FAM20B: variants seen among roughly 807,000 people sequenced by gnomAD.
The protein encoded by FAM20B is FAM20B glycosaminoglycan xylosylkinase, also known as glycosaminoglycan xylosylkinase.
Under a neutral mutation model 43.8 loss-of-function variants are expected in FAM20B, and 23 were observed. That is an observed-to-expected ratio of 0.53 (90% confidence interval 0.38 to 0.74). FAM20B has a LOEUF of 0.74. FAM20B is among the 30% of genes least tolerant of loss of function. The pLI, the probability that FAM20B is intolerant of heterozygous loss-of-function variation, is 0.00. For missense variants in FAM20B, 440 were observed against 510.5 expected, an observed-to-expected ratio of 0.86 and a Z score of 1.33; for synonymous variants, 178 against 192.4, an observed-to-expected ratio of 0.93 and a Z score of 0.62.
chr1:179,065,172 A>G (rs1651638059), intron 6 of FAM20B, among the ~76,000 whole-genome samples: 1 of 148,662 alleles, frequency 6.7e-6, no homozygotes, highest in African/African-American at 2.5e-5. Context: ...TTTTTTTGAG[A>G]CGGAGTTTTG....
intron 1 of FAM20B, among the ~76,000 whole-genome samples, chr1:179,027,339 TATGCAGG>T (rs1388084098): frequency 3.9e-5 from 6 of 152,360 alleles, no homozygotes; most frequent in Admixed American, 6.5e-5. Context: ...TCCTTGAGTT[TATGCAGG>T]ATCTTTGAGC....
rs79610336 is a variant in FAM20B, at chr1:179,036,878, G to A, written c.-133-6837G>A. On this transcript the variant is annotated intron_variant, in intron 1 of 7. Coordinates refer to ENST00000263733, the MANE Select transcript of FAM20B (RefSeq NM_014864.4). ...GCCTTAGAGATGGCCTTGGAGATGA[G>A]CCTTGAAAGGAGGCTCAGACTTTAT... Among the ~76,000 whole-genome samples the A allele has an allele frequency of 4.1e-3, 620 of 152,324 alleles. 3 individuals carry two copies. Among genetic ancestry groups the A allele is most frequent in the African/African-American group, 0.014 (594 of 41,560 alleles).
chr1:179,064,157 CTG>C (rs968238168), intron 5 of FAM20B, 59 bp downstream of exon 5: 2 of 1,495,156 alleles, frequency 1.3e-6, no homozygotes, highest in Non-Finnish European at 1.8e-6. Context: ...GGTGCCAACT[CTG>C]TAAAGGAGCC....
chr1:179,058,698 T>C (rs1404833950), intron 4 of FAM20B, among the ~76,000 whole-genome samples: 1 of 152,142 alleles, frequency 6.6e-6, no homozygotes, highest in Non-Finnish European at 1.5e-5. Context: ...TGTGGCAGCA[T>C]TGTCAAGGGT....
In FAM20B at chr1:179,036,109, G is replaced by T. The variant is rs538535030; in HGVS notation, c.-133-7606G>T. 7.2e-5 allele frequency among the ~76,000 whole-genome samples: 11 copies of T among 152,258 alleles called. No individual in the cohort carries two copies. The South Asian group carries it at 2.3e-3, about 32-fold the overall frequency. On this transcript the variant is annotated intron_variant, in intron 1 of 7. Coordinates refer to ENST00000263733, the MANE Select transcript of FAM20B (RefSeq NM_014864.4). ...AGCACCACTGCACTCCAGCCTGGGT[G>T]ACAGAGCGAGACTCTGTCTCAAAAT...
intron 2 of FAM20B, among the ~76,000 whole-genome samples, chr1:179,047,210 G>A (rs1650809538): frequency 6.6e-6 from 1 of 152,140 alleles, no homozygotes; most frequent in African/African-American, 2.4e-5. Context: ...AACAGATAAT[G>A]CATAACCTTA....
intron 3 of FAM20B, among the ~76,000 whole-genome samples, chr1:179,053,230 C>G (rs1273312720): frequency 6.6e-6 from 1 of 152,118 alleles, no homozygotes; most frequent in Non-Finnish European, 1.5e-5. Context: ...TAACATTGCC[C>G]CTCAATGCTA....
At position 179,035,316 on chromosome 1, in the gene FAM20B, C is replaced by T. The variant is rs976523182; in HGVS notation, c.-133-8399C>T. 16 of 664,320 alleles carry T rather than the reference C, an allele frequency of 2.4e-5. No homozygotes were observed. The African/African-American group carries it at 2.5e-4, about 10-fold the overall frequency. 41.2% of individuals were successfully genotyped at this position (664,320 alleles called of 1,614,324 possible). ...TTAAGGACTCAGCTCCTTACACGGG[C>T]TTTGGTGGGGGTCGTGGGGCAGCAC... is the stretch of plus-strand genomic sequence containing the variant. On this transcript the variant is annotated intron_variant, in intron 1 of 7. Coordinates refer to ENST00000263733, the MANE Select transcript of FAM20B (RefSeq NM_014864.4).
upstream of FAM20B, among the ~76,000 whole-genome samples, chr1:179,024,064 A>T (rs541550393): frequency 1.8e-3 from 271 of 152,292 alleles, 1 homozygote; most frequent in Middle Eastern, 3.4e-3. Context: ...TGGGGGGCAG[A>T]ACAATTTTGT....
intron 2 of FAM20B, among the ~76,000 whole-genome samples, chr1:179,045,049 AC>A (rs1650704625): frequency 6.6e-6 from 1 of 152,170 alleles, no homozygotes. Context: ...CATTTTAGTT[AC>A]CTTAGTTAAC....
Position 179,064,448 on chromosome 1 carries a change from A to G in FAM20B, c.890A>G (p.Gln297Arg). ...NADRHHYESF[Q>R]DDEGASMLIL... is the part of the protein sequence containing the mutation. Reference sequence around the variant, plus strand: ...GACCGCCATCACTATGAGAGCTTTCAAGATGATGAAGGCGCTAGTATGCTC... The same window carrying G: ...GACCGCCATCACTATGAGAGCTTTCGAGATGATGAAGGCGCTAGTATGCTC... The change falls in exon 6 of 8, where the codon CAA becomes CGA. Residue 297 changes from glutamine (Q) to arginine (R), a missense_variant. Coordinates refer to ENST00000263733, the MANE Select transcript of FAM20B (RefSeq NM_014864.4). The G allele has an allele frequency of 6.2e-7, 1 of 1,614,192 alleles. No homozygotes were observed. Among genetic ancestry groups the G allele is most frequent in the Non-Finnish European group, 8.5e-7 (1 of 1,180,014 alleles).
rs368769772 is a variant in FAM20B, at chr1:179,072,164, G to C, written c.*20G>C. The stretch of plus-strand genomic sequence containing the variant: ...TTGTAATTCTCGACACAAAATAAGT[G>C]AAACTTCTTTTTACAAAGATAGAGA... On this transcript the variant is annotated 3_prime_UTR_variant, in exon 8 of 8. Transcript: ENST00000263733. The C allele has an allele frequency of 9.7e-5, 151 of 1,548,806 alleles. 1 individual carries two copies. In the African/African-American group the frequency reaches 1.7e-3, roughly 17 times the overall value.
chr1:179,041,074 G>C (rs559943721), intron 1 of FAM20B, among the ~76,000 whole-genome samples: 2 of 143,172 alleles, frequency 1.4e-5, no homozygotes, highest in Non-Finnish European at 3.0e-5. Flanking sequence ...GGGAAGAGGC[G>C]CCTCCTCACT....
chr1:179,028,016 C>T (rs1649860222), intron 1 of FAM20B, among the ~76,000 whole-genome samples: 1 of 152,148 alleles, frequency 6.6e-6, no homozygotes, highest in African/African-American at 2.4e-5. Flanking sequence ...AAAGTTTCTG[C>T]TTCTTATCTC....
intron 3 of FAM20B, 79 bp downstream of exon 3, chr1:179,050,444 CA>C: frequency 1.1e-6 from 1 of 929,344 alleles, no homozygotes; most frequent in East Asian, 2.4e-5. Context: ...TGGACTCCTT[CA>C]GAAGGATGCA....
At chr1:179,065,691 C>G (rs756281111) in intron 6 of FAM20B, among the ~76,000 whole-genome samples, 7 of 152,196 alleles carry the variant, frequency 4.6e-5, no homozygotes, top group African/African-American at 1.7e-4. Flanking sequence ...TACCCCATTA[C>G]AGCAAAGCAC....
chr1:179,025,309 G>C (rs1649706822), upstream of FAM20B, among the ~76,000 whole-genome samples: 2 of 152,234 alleles, frequency 1.3e-5, no homozygotes, highest in Non-Finnish European at 1.5e-5. Flanking sequence ...ATAATTTTGT[G>C]AGATGCTCCT....
chr1:179,064,619 C>G, intron 6 of FAM20B, 123 bp downstream of exon 6: 1 of 738,120 alleles, frequency 1.4e-6, no homozygotes, highest in Non-Finnish European at 2.2e-6. Flanking sequence ...CTTTTTTCCA[C>G]TTGGAGTCTT....
chr1:179,066,803 TG>T lies in FAM20B; in HGVS notation c.945del (p.Asn316ThrfsTer27). 6.2e-7 allele frequency: 1 copy of T among 1,610,756 alleles called. No individual in the cohort carries two copies. Among genetic ancestry groups the T allele is most frequent in the Non-Finnish European group, 8.5e-7 (1 of 1,176,888 alleles). The stretch of plus-strand genomic sequence containing the variant: ...TAAGTTTTAATTTAATTTTCAGCTT[TG>T]GGAACCCCTCGCTGGATGAAAGAAG... ...LILLDNAKSF[G>X]NPSLDERSIL... On this transcript the variant is annotated frameshift_variant, in exon 7 of 8. Transcript: ENST00000263733. LOFTEE classifies it high-confidence loss of function.
Sources: allele counts gnomAD v4.1 joint callset (sites outside exome capture counted in the v4.1 genomes callset), GRCh38; gene constraint gnomAD v4.1.1; transcripts MANE v1.5; gene names NCBI Gene and HGNC (gene_info 2026-07-23, HGNC 2026-07-21).